Variants in KAZN observed in about 807,000 individuals in gnomAD.
The protein encoded by KAZN is kazrin, periplakin interacting protein, also known as kazrin.
KAZN carries 40 observed loss-of-function variants against 87.4 expected under a neutral mutation model. The observed-to-expected ratio is 0.46, with a 90% confidence interval of 0.36 to 0.60. KAZN has a LOEUF of 0.60. KAZN is among the 20% of genes least tolerant of loss of function. The probability of loss-of-function intolerance (pLI) is 0.00; values close to 1 mark genes in which losing one functional copy is unlikely to be tolerated. For synonymous variants in KAZN, 466 were observed against 458.3 expected (o/e 1.02, Z -0.22); for missense variants, 898 against 1,073.9 (o/e 0.84, Z 2.29).
intron 1 of KAZN, among the ~76,000 whole-genome samples, chr1:14,005,547 T>C (rs1640000624): frequency 6.6e-6 from 1 of 152,156 alleles, no homozygotes; most frequent in Admixed American, 6.5e-5. Flanking sequence ...CAGTTGGGTA[T>C]GTCCGAAGTT....
At chr1:14,924,582 CGCGGG>C (rs529495526) in intron 1 of KAZN, 23,897 of 1,006,068 alleles carry the variant, frequency 0.024, 346 homozygotes, top group Non-Finnish European at 0.027. Context: ...GGTAGGTGCG[CGCGGG>C]GCGGGGCGGG....
In KAZN at chr1:15,056,042, A is replaced by C; in HGVS notation, c.727-49A>C. On this transcript the variant is annotated intron_variant, in intron 4 of 14. Coordinates refer to ENST00000376030, the MANE Select transcript of KAZN (RefSeq NM_201628.3). This position sits in a 1 kb window ranked among gnomAD's most constrained non-coding sequence, Gnocchi z 5.4. ...GGGTGGTGCCAAGCAGCTGGCCAAG[A>C]GTTCCCCTTGATCATGACTTCTTCT... 6.5e-7 allele frequency: 1 copy of C among 1,548,980 alleles called. No individual in the cohort carries two copies. Among genetic ancestry groups the C allele is most frequent in the Non-Finnish European group, 8.8e-7 (1 of 1,133,010 alleles).
At chr1:14,466,389 C>T (rs940971087) in intron 2 of KAZN, among the ~76,000 whole-genome samples, 1 of 151,866 alleles carries the variant, frequency 6.6e-6, no homozygotes, top group African/African-American at 2.4e-5. Flanking sequence ...CAAACTAATG[C>T]AGGAACAGAA....
chr1:13,901,002 A>C (rs767644708), intron 1 of KAZN, among the ~76,000 whole-genome samples: 11 of 152,026 alleles, frequency 7.2e-5, no homozygotes, highest in Non-Finnish European at 1.0e-4. Flanking sequence ...TCTTCCTGAC[A>C]AGTAAAAAAG....
At chr1:14,361,094 G>C (rs531450472) in intron 2 of KAZN, among the ~76,000 whole-genome samples, 1 of 152,198 alleles carries the variant, frequency 6.6e-6, no homozygotes, top group Non-Finnish European at 1.5e-5. Context: ...CTATAGGCCC[G>C]ACTGGGGCTG....
At chr1:14,933,803 C>T (rs1206440478) in intron 1 of KAZN, among the ~76,000 whole-genome samples, 1 of 151,920 alleles carries the variant, frequency 6.6e-6, no homozygotes. Context: ...CCACCACACC[C>T]AGCAGCATCA....
At chr1:14,352,781 A>T (rs1658658143) in intron 2 of KAZN, among the ~76,000 whole-genome samples, 1 of 152,256 alleles carries the variant, frequency 6.6e-6, no homozygotes, top group Non-Finnish European at 1.5e-5. Context: ...ATTACAAGAT[A>T]AGAAAATTAC....
chr1:14,035,006 C>G (rs1212021737), intron 1 of KAZN, among the ~76,000 whole-genome samples: 1 of 152,146 alleles, frequency 6.6e-6, no homozygotes, highest in Non-Finnish European at 1.5e-5. Context: ...TGATGTGATT[C>G]CAGGTGAGAG....
At chr1:15,082,845 A>G (rs1640071370) in intron 8 of KAZN, among the ~76,000 whole-genome samples, 1 of 152,180 alleles carries the variant, frequency 6.6e-6, no homozygotes, top group Admixed American at 6.5e-5. Context: ...GGTGCGTGCC[A>G]CCATACCTGG....
chr1:14,913,733 G>T (rs764615372), intron 1 of KAZN, among the ~76,000 whole-genome samples: 1 of 152,264 alleles, frequency 6.6e-6, no homozygotes, highest in Non-Finnish European at 1.5e-5. Context: ...TGGGGGCCCT[G>T]TGTGCTCTGC....
intron 1 of KAZN, among the ~76,000 whole-genome samples, chr1:14,849,881 C>G (rs772156054): frequency 6.6e-6 from 1 of 151,882 alleles, no homozygotes; most frequent in Non-Finnish European, 1.5e-5. Flanking sequence ...CTGGAAGCCA[C>G]TAAATCAACT....
chr1:14,906,522 C>T (rs1247082892), intron 1 of KAZN, among the ~76,000 whole-genome samples: 1 of 151,708 alleles, frequency 6.6e-6, no homozygotes, highest in Non-Finnish European at 1.5e-5. Flanking sequence ...TCATGCGGAG[C>T]GAGTTCACTG....
At chr1:15,103,538 C>G (rs1488345829) in intron 12 of KAZN, 78 bp downstream of exon 12, 1 of 900,468 alleles carries the variant, frequency 1.1e-6, no homozygotes, top group African/African-American at 1.6e-5. Context: ...AATCAATATG[C>G]AAATCACATG....
intron 2 of KAZN, among the ~76,000 whole-genome samples, chr1:14,518,131 T>C (rs1180140080): frequency 6.6e-6 from 1 of 151,516 alleles, no homozygotes; most frequent in Non-Finnish European, 1.5e-5. Flanking sequence ...AGTTAGTCTC[T>C]GTCATTATCA....
chr1:14,240,496 G>A lies in KAZN; in HGVS notation c.249+59904G>A, dbSNP rs75592022. On this transcript the variant is annotated intron_variant, in intron 2 of 16. Coordinates refer to the KAZN transcript ENST00000636203. ...TGCTCAGTTCCTCTTTCTGCTCCTCGTGGGTTGTGCCCAGGAAGGGGGATG... is the reference window on the plus strand; with the variant it reads ...TGCTCAGTTCCTCTTTCTGCTCCTCATGGGTTGTGCCCAGGAAGGGGGATG... Among the ~76,000 whole-genome samples, 232 of 152,338 alleles carry A rather than the reference G, an allele frequency of 1.5e-3. 1 individual carries two copies. Among genetic ancestry groups the A allele is most frequent in the Middle Eastern group, 6.8e-3 (2 of 294 alleles).
Position 14,923,943 on chromosome 1 carries a change from C to G in KAZN, c.227-36741C>G, listed in dbSNP as rs1056201752. Among the ~76,000 whole-genome samples the G allele has an allele frequency of 6.6e-6, 1 of 151,690 alleles. No homozygotes were observed. Among genetic ancestry groups the G allele is most frequent in the Non-Finnish European group, 1.5e-5 (1 of 67,908 alleles). ...CCGTCTTTCTGACCCTCCGTGTCCC[C>G]GGGAATGACCGCGTCGGGGATGCAC... is the stretch of plus-strand genomic sequence containing the variant. On this transcript the variant is annotated intron_variant, in intron 1 of 14. Coordinates refer to ENST00000376030, the MANE Select transcript of KAZN (RefSeq NM_201628.3). The surrounding 1 kb of genome is among the most constrained non-coding windows in gnomAD (Gnocchi z 4.2).
intron 2 of KAZN, among the ~76,000 whole-genome samples, chr1:14,341,265 A>G (rs1168799824): frequency 2.0e-5 from 3 of 152,186 alleles, no homozygotes; most frequent in Non-Finnish European, 4.4e-5. Flanking sequence ...ACTCATCTGT[A>G]AAATGGGGAA....
intron 2 of KAZN, among the ~76,000 whole-genome samples, chr1:14,381,048 G>A (rs1342337657): frequency 6.6e-6 from 1 of 152,174 alleles, no homozygotes; most frequent in African/African-American, 2.4e-5. Context: ...AGGCAGAGGA[G>A]TCTCATCCCA....
At chr1:14,338,885 G>A (rs994810873) in intron 2 of KAZN, among the ~76,000 whole-genome samples, 1 of 152,200 alleles carries the variant, frequency 6.6e-6, no homozygotes, top group Non-Finnish European at 1.5e-5. Flanking sequence ...GCACCCTGAA[G>A]GATGCATTAT....
Sources: allele counts gnomAD v4.1 joint callset (sites outside exome capture counted in the v4.1 genomes callset), GRCh38; gene constraint gnomAD v4.1.1; non-coding constraint Gnocchi (gnomAD v3.1); transcripts MANE v1.5; gene names NCBI Gene and HGNC (gene_info 2026-07-23, HGNC 2026-07-21).